RNGTT: variants seen among roughly 807,000 people sequenced by gnomAD.
The protein encoded by RNGTT is RNA guanylyltransferase and 5'-phosphatase, also known as mRNA-capping enzyme.
In RNGTT, 33 loss-of-function variants were observed where a neutral mutation model predicts 79.3. That is an observed-to-expected ratio of 0.42 (90% confidence interval 0.32 to 0.56). RNGTT has a LOEUF of 0.56. Among genes scored for constraint, RNGTT ranks in the 20% least tolerant of loss-of-function variants. RNGTT has a pLI of 0.17. For synonymous variants in RNGTT, 222 were observed against 235.9 expected (o/e 0.94, Z 0.54); for missense variants, 497 against 739.1 (o/e 0.67, Z 3.80).
chr6:88,791,178 A>G (rs568766110), intron 12 of RNGTT, among the ~76,000 whole-genome samples: 1 of 148,926 alleles, frequency 6.7e-6, no homozygotes, highest in Admixed American at 6.7e-5. Context: ...TTAAAAAACA[A>G]TTGTCACCAA....
intron 8 of RNGTT, among the ~76,000 whole-genome samples, chr6:88,857,300 T>C (rs1409063138): frequency 2.0e-5 from 3 of 152,130 alleles, no homozygotes; most frequent in Admixed American, 2.0e-4. Context: ...GAGAGTAAAA[T>C]GGTCGTTAAA....
chr6:88,941,343 T>C (rs1160646864), intron 1 of RNGTT, among the ~76,000 whole-genome samples, 163 bp from the exon 2 acceptor site: 3 of 152,062 alleles, frequency 2.0e-5, no homozygotes, highest in African/African-American at 7.2e-5. Context: ...TCTCAGCTCA[T>C]TGAAACCTCT....
chr6:88,838,282 G>C (rs1453982957), intron 11 of RNGTT, among the ~76,000 whole-genome samples: 2 of 151,946 alleles, frequency 1.3e-5, no homozygotes, highest in African/African-American at 4.8e-5. Context: ...TAAGGCAGGA[G>C]AATAAAATTA....
intron 14 of RNGTT, among the ~76,000 whole-genome samples, chr6:88,626,293 T>G (rs1056344621): frequency 6.6e-6 from 1 of 152,044 alleles, no homozygotes; most frequent in African/African-American, 2.4e-5. Flanking sequence ...TAACAAAATT[T>G]GAATTCTAGG....
chr6:88,660,691 C>T (rs2610709), intron 14 of RNGTT, among the ~76,000 whole-genome samples: 40,746 of 151,968 alleles, frequency 0.27, 9,548 homozygotes, highest in African/African-American at 0.63. Flanking sequence ...ACCTAAGAAA[C>T]GAGATAGATG....
intron 12 of RNGTT, among the ~76,000 whole-genome samples, chr6:88,788,162 G>T (rs571827848): frequency 6.6e-6 from 1 of 152,134 alleles, no homozygotes; most frequent in South Asian, 2.1e-4. Flanking sequence ...ACCAAATTTG[G>T]GGCTTACATA....
chr6:88,673,578 C>T (rs1356567463), intron 14 of RNGTT, among the ~76,000 whole-genome samples: 2 of 152,120 alleles, frequency 1.3e-5, no homozygotes, highest in African/African-American at 4.8e-5. Flanking sequence ...TGAAAGAAAC[C>T]TTTCCCACAA....
chr6:88,883,816 A>T (rs1414100125), intron 8 of RNGTT, among the ~76,000 whole-genome samples: 1 of 152,224 alleles, frequency 6.6e-6, no homozygotes, highest in Non-Finnish European at 1.5e-5. Flanking sequence ...AAAATTTTGT[A>T]TGGCAAAAAA....
At chr6:88,721,439 AT>A (rs1267117122) in intron 13 of RNGTT, among the ~76,000 whole-genome samples, 3 of 137,290 alleles carry the variant, frequency 2.2e-5, no homozygotes, top group East Asian at 1.9e-4. Context: ...GGTCTTCCAA[AT>A]TCATCCTCTT....
chr6:88,624,601 T>C (rs141680618), intron 14 of RNGTT, among the ~76,000 whole-genome samples: 3 of 151,890 alleles, frequency 2.0e-5, no homozygotes, highest in South Asian at 4.2e-4. Context: ...CCTAAATAAA[T>C]ATAGAACTGA....
At chr6:88,785,239 T>C (rs1779189703) in intron 12 of RNGTT, among the ~76,000 whole-genome samples, 1 of 152,204 alleles carries the variant, frequency 6.6e-6, no homozygotes, top group Non-Finnish European at 1.5e-5. Flanking sequence ...TTTTGTGAAG[T>C]CCTTATTTAT....
In RNGTT at chr6:88,697,888, TG is replaced by T. The variant is rs753859357; in HGVS notation, c.1440-19470del. Among the ~76,000 whole-genome samples, 34 of 82,178 alleles carry T rather than the reference TG, an allele frequency of 4.1e-4. 2 individuals are homozygous for T. The African/African-American group carries it at 5.4e-3, about 13-fold the overall frequency. 53.9% of individuals were successfully genotyped at this position (82,178 alleles called of 152,430 possible). On this transcript the variant is annotated intron_variant, in intron 13 of 15. Transcript: ENST00000369485. The stretch of plus-strand genomic sequence containing the variant: ...CCTGTCTTGGAAAAAAATATATATA[TG>T]ATATATATATATGATATATATATGA...
intron 8 of RNGTT, among the ~76,000 whole-genome samples, chr6:88,874,334 C>A (rs930572655): frequency 1.3e-5 from 2 of 152,028 alleles, no homozygotes; most frequent in Non-Finnish European, 2.9e-5. Context: ...GGCAGCACTA[C>A]CTATCACAGA....
At chr6:88,618,153 C>A (rs1772303918) in intron 14 of RNGTT, among the ~76,000 whole-genome samples, 1 of 152,132 alleles carries the variant, frequency 6.6e-6, no homozygotes, top group Non-Finnish European at 1.5e-5. Context: ...TCCTTGGCCA[C>A]TAAAAATCTG....
At chr6:88,929,637 A>G (rs1784422774) in intron 2 of RNGTT, among the ~76,000 whole-genome samples, 1 of 152,100 alleles carries the variant, frequency 6.6e-6, no homozygotes, top group African/African-American at 2.4e-5. Flanking sequence ...TAGAGCAGGA[A>G]TGGCATCTAT....
intron 6 of RNGTT, among the ~76,000 whole-genome samples, chr6:88,896,488 A>T (rs910874174): frequency 1.3e-5 from 2 of 152,220 alleles, no homozygotes; most frequent in Non-Finnish European, 2.9e-5. Context: ...AAAATCAGGA[A>T]TCAGGAAGAG....
intron 6 of RNGTT, among the ~76,000 whole-genome samples, chr6:88,899,501 C>T (rs1467503623): frequency 6.6e-6 from 1 of 152,076 alleles, no homozygotes; most frequent in African/African-American, 2.4e-5. Flanking sequence ...TAGTCTCAAA[C>T]TCCTGAGCTC....
At chr6:88,795,632 A>G (rs1454699872) in intron 12 of RNGTT, among the ~76,000 whole-genome samples, 1 of 152,162 alleles carries the variant, frequency 6.6e-6, no homozygotes, top group African/African-American at 2.4e-5. Flanking sequence ...GTGTATACCT[A>G]TGTAACAAAC....
chr6:88,929,120 T>C, intron 3 of RNGTT, 44 bp downstream of exon 3: 1 of 1,582,270 alleles, frequency 6.3e-7, no homozygotes, highest in Non-Finnish European at 8.6e-7. Context: ...TTACAAATTG[T>C]GATGAAAGGT....
Sources: allele counts gnomAD v4.1 joint callset (sites outside exome capture counted in the v4.1 genomes callset), GRCh38; gene constraint gnomAD v4.1.1; transcripts MANE v1.5; gene names NCBI Gene and HGNC (gene_info 2026-07-23, HGNC 2026-07-21).